The following CHID1 variants were observed in gnomAD, a reference collection of about 807,000 sequenced individuals.
CHID1 encodes chitinase domain-containing protein 1.
CHID1 carries 44 observed loss-of-function variants against 55.4 expected under a neutral mutation model. The observed-to-expected ratio is 0.79, with a 90% confidence interval of 0.62 to 1.02. The LOEUF (loss-of-function observed/expected upper bound fraction) is 1.02. CHID1 is among the 50% of genes least tolerant of loss of function. The probability of loss-of-function intolerance (pLI) is 0.00; values close to 1 mark genes in which losing one functional copy is unlikely to be tolerated. For missense variants in CHID1, 491 were observed against 515.3 expected, an observed-to-expected ratio of 0.95 and a Z score of 0.46; for synonymous variants, 216 against 212.9, an observed-to-expected ratio of 1.01 and a Z score of -0.13.
intron 10 of CHID1, among the ~76,000 whole-genome samples, chr11:871,078 C>T (rs978842518): frequency 3.3e-5 from 5 of 151,796 alleles, no homozygotes; most frequent in Non-Finnish European, 7.4e-5. Flanking sequence ...GCAACCTCTG[C>T]CTCCCAGATT....
chr11:890,074 C>T (rs191869491), intron 8 of CHID1, among the ~76,000 whole-genome samples: 6 of 152,212 alleles, frequency 3.9e-5, no homozygotes, highest in Non-Finnish European at 5.9e-5. Context: ...CTGCTGCTGG[C>T]GTCCTCGCCC....
upstream of CHID1, chr11:910,930 C>T (rs539107264): frequency 9.2e-5 from 68 of 739,306 alleles, no homozygotes; most frequent in South Asian, 1.6e-3. Flanking sequence ...GCAGGGCTGC[C>T]CGAAAGTCGG....
chr11:906,621 C>T (rs894044940), intron 1 of CHID1, among the ~76,000 whole-genome samples: 16 of 152,202 alleles, frequency 1.1e-4, no homozygotes, highest in African/African-American at 3.9e-4. Flanking sequence ...GTGTGCCGGT[C>T]AATGAAGACG....
In CHID1 at chr11:875,600, GGTTGCTGAAACTCTTA is replaced by G. The variant is rs1257583666; in HGVS notation, c.960-5117_960-5102del. Among the ~76,000 whole-genome samples, 32 of 152,292 alleles carry G rather than the reference GGTTGCTGAAACTCTTA, an allele frequency of 2.1e-4. No homozygotes were observed. The highest frequency in any genetic ancestry group is 7.7e-4 in the African/African-American group (32 of 41,562). On this transcript the variant is annotated intron_variant, in intron 10 of 12. Coordinates refer to ENST00000323578, the MANE Select transcript of CHID1 (RefSeq NM_023947.4). The surrounding 1 kb of genome is among the most constrained non-coding windows in gnomAD (Gnocchi z 4.7). ...GCATGAGGCCGGGGATCGGGGCTGG[GGTTGCTGAAACTCTTA>G]GCGCCACATGAGGCCGAGGGAGTCA...
intron 10 of CHID1, among the ~76,000 whole-genome samples, chr11:874,064 G>A (rs554329671): frequency 1.3e-5 from 2 of 152,198 alleles, no homozygotes; most frequent in Non-Finnish European, 2.9e-5. Context: ...ACGGAGACCA[G>A]CTTGGAAACT....
chr11:909,190 G>A (rs577376552), intron 1 of CHID1, among the ~76,000 whole-genome samples: 10 of 152,268 alleles, frequency 6.6e-5, no homozygotes, highest in South Asian at 2.1e-4. Flanking sequence ...ACTGCTCACC[G>A]GCCGCTCGGC....
At chr11:882,835 C>T (rs962704742) in intron 10 of CHID1, 1 of 297,100 alleles carries the variant, frequency 3.4e-6, no homozygotes, top group African/African-American at 2.1e-5. Flanking sequence ...AGCATTCAAC[C>T]CAGGAGGCCC....
At chr11:912,399 C>T (rs575595980), upstream of CHID1, among the ~76,000 whole-genome samples, 1 of 152,334 alleles carries the variant, frequency 6.6e-6, no homozygotes, top group African/African-American at 2.4e-5. Flanking sequence ...ATGGGGCCCG[C>T]AGATGGGAGG....
intron 3 of CHID1, 63 bp from the exon 4 acceptor site, chr11:902,393 C>T: frequency 6.3e-7 from 1 of 1,577,450 alleles, no homozygotes; most frequent in East Asian, 2.3e-5. Flanking sequence ...CACCATGGTG[C>T]TGTCATTCTG....
intron 10 of CHID1, among the ~76,000 whole-genome samples, chr11:873,765 G>A (rs1405733256): frequency 1.3e-5 from 2 of 152,174 alleles, no homozygotes; most frequent in Non-Finnish European, 2.9e-5. Context: ...TTGGGGAGCA[G>A]TAATGCGGGC....
At chr11:887,880 T>C (rs577850235) in intron 8 of CHID1, among the ~76,000 whole-genome samples, 1 of 152,360 alleles carries the variant, frequency 6.6e-6, no homozygotes, top group Admixed American at 6.5e-5. Flanking sequence ...CAGAGCTGGC[T>C]TCACTCCACA....
chr11:910,370 C>G (rs1342073560), intron 1 of CHID1, among the ~76,000 whole-genome samples: 2 of 152,132 alleles, frequency 1.3e-5, no homozygotes, highest in Non-Finnish European at 2.9e-5. Context: ...CTCTGCCACA[C>G]GAGCCGCGCG....
chr11:883,739 G>A (rs573923642), intron 9 of CHID1, among the ~76,000 whole-genome samples: 1 of 152,368 alleles, frequency 6.6e-6, no homozygotes, highest in Admixed American at 6.5e-5. Flanking sequence ...CTCCCTGCCT[G>A]CGCCTGTGTC....
At chr11:910,236 G>C (rs1237458449) in intron 1 of CHID1, among the ~76,000 whole-genome samples, 4 of 152,002 alleles carry the variant, frequency 2.6e-5, no homozygotes, top group African/African-American at 9.7e-5. Flanking sequence ...CCAAGGGTGG[G>C]TGGGATCGCG....
In CHID1 at chr11:870,031, G is replaced by A. The variant is rs562937742; in HGVS notation, c.1084-75C>T. The A allele has an allele frequency of 4.0e-4, 649 of 1,605,310 alleles. 1 individual carries two copies. The highest frequency in any genetic ancestry group is 8.9e-4 in the South Asian group (81 of 90,900). On this transcript the variant is annotated intron_variant, in intron 12 of 12. Coordinates refer to ENST00000323578, the MANE Select transcript of CHID1 (RefSeq NM_023947.4). ...ACCCAGGGATGTCCTCCAGGCCGAG[G>A]GGCAGCACCGCCTGGACCCCAGGCC...
chr11:895,753 G>A (rs1278752211), intron 7 of CHID1, among the ~76,000 whole-genome samples: 1 of 152,146 alleles, frequency 6.6e-6, no homozygotes, highest in African/African-American at 2.4e-5. Context: ...GCGGGCTGGG[G>A]TCCCAAGTGG....
At chr11:887,629 T>C (rs1363937869) in intron 8 of CHID1, among the ~76,000 whole-genome samples, 2 of 152,222 alleles carry the variant, frequency 1.3e-5, no homozygotes, top group Admixed American at 1.3e-4. Context: ...ATGGCAGCCC[T>C]GTCAGCCGCA....
intron 9 of CHID1, 92 bp downstream of exon 9, chr11:883,976 G>T: frequency 1.0e-6 from 1 of 974,218 alleles, no homozygotes; most frequent in Non-Finnish European, 1.6e-6. Context: ...AGGCAAGAGG[G>T]CATCAGCTGT....
chr11:876,996 C>T (rs1197836413), intron 10 of CHID1, among the ~76,000 whole-genome samples: 4 of 152,188 alleles, frequency 2.6e-5, no homozygotes, highest in African/African-American at 7.2e-5. Flanking sequence ...CTGTGCCACT[C>T]AGGCCCAGAG....
Sources: gnomAD v4.1 joint callset for allele counts (sites outside exome capture counted in the v4.1 genomes callset) on GRCh38, gnomAD v4.1.1 for gene constraint, Gnocchi (gnomAD v3.1) non-coding constraint, MANE v1.5 for transcripts, NCBI Gene and HGNC (gene_info 2026-07-23, HGNC 2026-07-21) for gene names.